The following SLC24A3 variants were observed in gnomAD, a reference collection of about 807,000 sequenced individuals.
The protein encoded by SLC24A3 is sodium/potassium/calcium exchanger 3.
In SLC24A3, 28 loss-of-function variants were observed where a neutral mutation model predicts 75.8. The observed-to-expected ratio is 0.37, with a 90% CI of 0.27 to 0.51. SLC24A3 has a LOEUF of 0.51. SLC24A3 is among the 20% of genes least tolerant of loss of function. The pLI is 0.94. For synonymous variants in SLC24A3, 372 were observed against 334.1 expected (o/e 1.11, Z -1.24); for missense variants, 663 against 847.8 (o/e 0.78, Z 2.71).
intron 3 of SLC24A3, among the ~76,000 whole-genome samples, chr20:19,554,693 T>G (rs1010750766): frequency 1.3e-5 from 2 of 152,334 alleles, no homozygotes; most frequent in African/African-American, 4.8e-5. Flanking sequence ...CTTCCCTTCC[T>G]TTCCCCCACC....
chr20:19,213,696 CAA>C (rs1981474456), intron 1 of SLC24A3, among the ~76,000 whole-genome samples: 1 of 152,232 alleles, frequency 6.6e-6, no homozygotes, highest in Admixed American at 6.5e-5. Flanking sequence ...GTGCTCTGCG[CAA>C]AGTCTGCCCT....
At chr20:19,687,022 G>A (rs977492591) in intron 12 of SLC24A3, among the ~76,000 whole-genome samples, 2 of 152,094 alleles carry the variant, frequency 1.3e-5, no homozygotes, top group African/African-American at 2.4e-5. Context: ...TTCATTTTCT[G>A]TTGCTGCATA....
At chr20:19,497,296 G>A (rs971861798) in intron 2 of SLC24A3, among the ~76,000 whole-genome samples, 1 of 152,140 alleles carries the variant, frequency 6.6e-6, no homozygotes, top group African/African-American at 2.4e-5. Flanking sequence ...TTGGGTAGAA[G>A]GGGCTAGGAC....
intron 2 of SLC24A3, among the ~76,000 whole-genome samples, chr20:19,403,776 A>G (rs1986593550): frequency 6.6e-6 from 1 of 152,188 alleles, no homozygotes; most frequent in Non-Finnish European, 1.5e-5. Flanking sequence ...ACTTTGACAT[A>G]TTTCAGGAAT....
At chr20:19,583,406 A>G (rs1010178113) in intron 4 of SLC24A3, among the ~76,000 whole-genome samples, 1 of 152,118 alleles carries the variant, frequency 6.6e-6, no homozygotes, top group South Asian at 2.1e-4. Context: ...CCTGCAAGCC[A>G]GGCTGGGCGT....
chr20:19,230,263 G>A (rs1981982837), intron 1 of SLC24A3, among the ~76,000 whole-genome samples: 1 of 152,090 alleles, frequency 6.6e-6, no homozygotes. Context: ...TATGCTGAAG[G>A]GGTGGTTGTT....
intron 1 of SLC24A3, among the ~76,000 whole-genome samples, chr20:19,245,885 A>G (rs141467477): frequency 7.2e-4 from 110 of 152,286 alleles, no homozygotes; most frequent in African/African-American, 2.5e-3. Context: ...TAAAATGACA[A>G]ATTTATAATC....
In SLC24A3 at chr20:19,499,812, A is replaced by G. The variant is rs550828274; in HGVS notation, c.272-15676A>G. On this transcript the variant is annotated intron_variant, in intron 2 of 16. Coordinates refer to ENST00000328041, the MANE Select transcript of SLC24A3 (RefSeq NM_020689.4). ...TACCTATATTTACATACATGTACACACATGGATGCTACATACATACATACA... is the reference window on the plus strand; with the variant it reads ...TACCTATATTTACATACATGTACACGCATGGATGCTACATACATACATACA... 2.6e-5 allele frequency among the ~76,000 whole-genome samples: 4 copies of G among 152,302 alleles called. No homozygotes were observed. The East Asian group carries it at 7.7e-4, about 29-fold the overall frequency.
intron 1 of SLC24A3, among the ~76,000 whole-genome samples, chr20:19,247,827 G>A (rs958816000): frequency 3.3e-5 from 5 of 152,152 alleles, no homozygotes; most frequent in Non-Finnish European, 7.4e-5. Context: ...TTACATATGT[G>A]ATTTGCTTTT....
At chr20:19,683,947 G>A (rs1354826313) in intron 10 of SLC24A3, among the ~76,000 whole-genome samples, 1 of 152,118 alleles carries the variant, frequency 6.6e-6, no homozygotes, top group Admixed American at 6.5e-5. Context: ...AAGAGTGGAT[G>A]GATGGATGGA....
chr20:19,366,429 G>A (rs1488342994), intron 2 of SLC24A3, among the ~76,000 whole-genome samples: 1 of 152,200 alleles, frequency 6.6e-6, no homozygotes, highest in African/African-American at 2.4e-5. Context: ...GGCCTCTGAA[G>A]AGTTTTCTTT....
chr20:19,274,851 C>A lies in SLC24A3; in HGVS notation c.143-6108C>A, dbSNP rs980227886. Among the ~76,000 whole-genome samples the A allele has an allele frequency of 3.9e-5, 6 of 152,304 alleles. No individual in the cohort carries two copies. The South Asian group carries it at 1.2e-3, about 32-fold the overall frequency. Reference sequence around the variant, plus strand: ...CCCCAGGGTGAAGACCCGGGTTGTACAGAGTGGAGGCAGCTGTGTAAACTG... The same window carrying A: ...CCCCAGGGTGAAGACCCGGGTTGTAAAGAGTGGAGGCAGCTGTGTAAACTG... On this transcript the variant is annotated intron_variant, in intron 1 of 16. Transcript: ENST00000328041.
In SLC24A3 at chr20:19,616,056, T is replaced by G. The variant is rs562898343; in HGVS notation, c.612+30512T>G. Among the ~76,000 whole-genome samples the G allele has an allele frequency of 2.0e-5, 3 of 152,274 alleles. No homozygotes were observed. The East Asian group carries it at 5.8e-4, about 29-fold the overall frequency. Reference sequence around the variant, plus strand: ...GTGCTGTCCCTCTGAGACCCCTAACTAATACAATGCCTGTGAAAGGAAAGG... The same window carrying G: ...GTGCTGTCCCTCTGAGACCCCTAACGAATACAATGCCTGTGAAAGGAAAGG... On this transcript the variant is annotated intron_variant, in intron 6 of 16. Transcript: ENST00000328041.
chr20:19,391,706 T>G (rs555903185), intron 2 of SLC24A3, among the ~76,000 whole-genome samples: 1 of 152,202 alleles, frequency 6.6e-6, no homozygotes, highest in African/African-American at 2.4e-5. Flanking sequence ...GGGAGCATAG[T>G]CTTTGGGAGT....
chr20:19,652,392 C>T (rs141733945), intron 6 of SLC24A3, among the ~76,000 whole-genome samples: 8 of 152,188 alleles, frequency 5.3e-5, no homozygotes, highest in Admixed American at 3.9e-4. Context: ...CCTTTTATGA[C>T]CTGCTGGAAA....
chr20:19,639,814 A>C (rs1050000880), intron 6 of SLC24A3, among the ~76,000 whole-genome samples: 1 of 152,234 alleles, frequency 6.6e-6, no homozygotes, highest in African/African-American at 2.4e-5. Context: ...AATAGACAGC[A>C]GCGCCGGTGG....
chr20:19,600,454 A>G (rs898827266), intron 6 of SLC24A3, among the ~76,000 whole-genome samples: 1 of 152,234 alleles, frequency 6.6e-6, no homozygotes, highest in Non-Finnish European at 1.5e-5. Context: ...AATAAAATAA[A>G]AGAATTGTGC....
At chr20:19,391,047 G>T (rs13036658) in intron 2 of SLC24A3, among the ~76,000 whole-genome samples, 1 of 152,200 alleles carries the variant, frequency 6.6e-6, no homozygotes, top group African/African-American at 2.4e-5. Flanking sequence ...CCTGGTGCTA[G>T]GGCAGGTCTG....
chr20:19,471,230 T>C (rs1987864290), intron 2 of SLC24A3, among the ~76,000 whole-genome samples: 1 of 152,200 alleles, frequency 6.6e-6, no homozygotes, highest in African/African-American at 2.4e-5. Flanking sequence ...TTGGCGTTGC[T>C]GTGCACCTCT....
Sources: gnomAD v4.1 joint callset for allele counts (sites outside exome capture counted in the v4.1 genomes callset) on GRCh38, gnomAD v4.1.1 for gene constraint, MANE v1.5 for transcripts, NCBI Gene and HGNC (gene_info 2026-07-23, HGNC 2026-07-21) for gene names.